LRMDA: variants seen among roughly 807,000 people sequenced by gnomAD.
LRMDA encodes leucine-rich melanocyte differentiation-associated protein.
LRMDA carries 18 observed loss-of-function variants against 29.8 expected under a neutral mutation model. That is an observed-to-expected ratio of 0.60 (90% CI 0.42 to 0.90). The LOEUF is 0.90. Among genes scored for constraint, LRMDA ranks in the 40% least tolerant of loss-of-function variants. LRMDA has a pLI of 0.00. For synonymous variants in LRMDA, 125 were observed against 109.4 expected (o/e 1.14, Z -0.89); for missense variants, 273 against 273.9 (o/e 1.00, Z 0.02).
At position 76,431,927 on chromosome 10, in the gene LRMDA, A is replaced by G. The variant is rs143575380; in HGVS notation, c.601+107442A>G. On this transcript the variant is annotated intron_variant, in intron 6 of 6. Coordinates refer to ENST00000611255, the MANE Select transcript of LRMDA (RefSeq NM_001305581.2). ...CTTCTCTTGTCTGCTGCCATGTGAG[A>G]CATGCCTTTCACCTTCTGCCATGAT... Among the ~76,000 whole-genome samples the G allele has an allele frequency of 2.9e-3, 447 of 152,324 alleles. 20 individuals are homozygous for G. The East Asian group carries it at 0.077, about 26-fold the overall frequency.
chr10:76,534,293 G>A (rs1191551794), intron 6 of LRMDA, among the ~76,000 whole-genome samples: 3 of 152,182 alleles, frequency 2.0e-5, no homozygotes, highest in Non-Finnish European at 2.9e-5. Flanking sequence ...TTTGCAGTTA[G>A]GAGAGGTCAC....
At chr10:75,712,453 G>T (rs1842447882) in intron 2 of LRMDA, among the ~76,000 whole-genome samples, 1 of 150,190 alleles carries the variant, frequency 6.7e-6, no homozygotes, top group African/African-American at 2.5e-5. Context: ...GGTTGGGGGG[G>T]TGGTGTGGGG....
intron 5 of LRMDA, among the ~76,000 whole-genome samples, chr10:76,251,088 G>A (rs1267409583): frequency 6.6e-6 from 1 of 152,128 alleles, no homozygotes; most frequent in African/African-American, 2.4e-5. Flanking sequence ...GAGAGAGTGG[G>A]GGAAGACAGG....
intron 5 of LRMDA, among the ~76,000 whole-genome samples, chr10:76,128,865 A>G (rs1045331849): frequency 1.3e-5 from 2 of 152,206 alleles, no homozygotes; most frequent in African/African-American, 2.4e-5. Context: ...AGGCAAATTC[A>G]TGTGCTAGAG....
At chr10:75,728,987 C>G (rs953025331) in intron 2 of LRMDA, among the ~76,000 whole-genome samples, 1 of 152,162 alleles carries the variant, frequency 6.6e-6, no homozygotes. Flanking sequence ...CTCTATTAGC[C>G]TCCTGCTCAT....
intron 5 of LRMDA, among the ~76,000 whole-genome samples, chr10:76,130,490 T>TA (rs1477926932): frequency 6.6e-6 from 1 of 151,996 alleles, no homozygotes; most frequent in Non-Finnish European, 1.5e-5. Context: ...ACGTAGACTT[T>TA]AAAAAAAAGA....
chr10:75,903,605 A>G (rs548918564), intron 2 of LRMDA, among the ~76,000 whole-genome samples: 5 of 152,380 alleles, frequency 3.3e-5, no homozygotes, highest in Non-Finnish European at 5.9e-5. Context: ...GATGATGACT[A>G]GGATCCTTGA....
chr10:75,434,149 A>T (rs1004179459), intron 1 of LRMDA, among the ~76,000 whole-genome samples: 1 of 152,216 alleles, frequency 6.6e-6, no homozygotes, highest in African/African-American at 2.4e-5. Flanking sequence ...TCGTAGACAC[A>T]AATACAAACT....
At chr10:75,798,917 T>C (rs1843699850) in intron 2 of LRMDA, among the ~76,000 whole-genome samples, 1 of 152,194 alleles carries the variant, frequency 6.6e-6, no homozygotes, top group Non-Finnish European at 1.5e-5. Flanking sequence ...GAATTTAATT[T>C]AGATATTTAT....
intron 2 of LRMDA, among the ~76,000 whole-genome samples, chr10:75,764,833 G>T (rs1395232617): frequency 6.6e-6 from 1 of 152,218 alleles, no homozygotes; most frequent in Admixed American, 6.5e-5. Context: ...AAAGCAATCT[G>T]GTTGTCATTG....
At chr10:76,069,619 T>G (rs1488320769) in intron 5 of LRMDA, among the ~76,000 whole-genome samples, 2 of 152,158 alleles carry the variant, frequency 1.3e-5, no homozygotes, top group Non-Finnish European at 2.9e-5. Context: ...TTTTTTTCTT[T>G]TTTGAAGTGG....
At chr10:75,941,124 G>A (rs996332694) in intron 2 of LRMDA, among the ~76,000 whole-genome samples, 1 of 152,186 alleles carries the variant, frequency 6.6e-6, no homozygotes, top group Admixed American at 6.5e-5. Context: ...ATATCAACAA[G>A]CTCAGCAGAT....
intron 2 of LRMDA, among the ~76,000 whole-genome samples, chr10:75,539,599 G>T (rs1321639070): frequency 6.6e-6 from 1 of 152,154 alleles, no homozygotes; most frequent in Non-Finnish European, 1.5e-5. Context: ...TGATAAAAAT[G>T]CTTAAATGTT....
chr10:75,643,250 T>C (rs1487776242), intron 2 of LRMDA: 1 of 152,076 alleles, frequency 6.6e-6, no homozygotes, highest in Non-Finnish European at 1.5e-5. Context: ...GAAGAAACTG[T>C]GTAATAAATA....
At chr10:75,713,113 C>T (rs1308402034) in intron 2 of LRMDA, among the ~76,000 whole-genome samples, 1 of 152,146 alleles carries the variant, frequency 6.6e-6, no homozygotes, top group Non-Finnish European at 1.5e-5. Context: ...TACCTTTACC[C>T]AGTCTGTGCA....
intron 2 of LRMDA, among the ~76,000 whole-genome samples, chr10:75,692,883 A>G (rs1842189172): frequency 6.6e-6 from 1 of 152,062 alleles, no homozygotes; most frequent in Non-Finnish European, 1.5e-5. Flanking sequence ...CAGTTGAGGA[A>G]TTCTCAAGTG....
chr10:75,907,893 G>A (rs1417240362), intron 2 of LRMDA, among the ~76,000 whole-genome samples: 1 of 152,118 alleles, frequency 6.6e-6, no homozygotes, highest in East Asian at 1.9e-4. Context: ...GAAAAGTTAA[G>A]GGATTCACTC....
At chr10:76,037,268 T>G (rs372848091) in intron 3 of LRMDA, among the ~76,000 whole-genome samples, 2 of 152,350 alleles carry the variant, frequency 1.3e-5, no homozygotes, top group East Asian at 3.9e-4. Flanking sequence ...GTCCAATGGC[T>G]TTGTTTTATT....
intron 6 of LRMDA, among the ~76,000 whole-genome samples, chr10:76,370,540 C>T (rs988246888): frequency 6.6e-6 from 1 of 152,122 alleles, no homozygotes; most frequent in Non-Finnish European, 1.5e-5. Context: ...CCCTTATCTG[C>T]ATTTTTGCTT....
Sources: gnomAD v4.1 joint callset for allele counts (sites outside exome capture counted in the v4.1 genomes callset) on GRCh38, gnomAD v4.1.1 for gene constraint, MANE v1.5 for transcripts, NCBI Gene and HGNC (gene_info 2026-07-23, HGNC 2026-07-21) for gene names.